The following FLVCR2 variants were observed in gnomAD, a reference collection of about 807,000 sequenced individuals.
FLVCR2 encodes choline/ethanolamine transporter FLVCR2.
A neutral mutation model predicts 48.9 loss-of-function variants in FLVCR2; 38 were observed. The observed-to-expected ratio is 0.78, with a 90% CI of 0.60 to 1.02. The LOEUF (loss-of-function observed/expected upper bound fraction) is 1.02, where lower values mean the gene tolerates loss of function less well. Ranked by LOEUF, FLVCR2 falls within the 50% of genes least tolerant of loss-of-function variation. The pLI is 0.00. For synonymous variants in FLVCR2, 255 were observed against 257.0 expected, an observed-to-expected ratio of 0.99 and a Z score of 0.07; for missense variants, 664 against 663.3, an observed-to-expected ratio of 1.00 and a Z score of -0.01.
intron 3 of FLVCR2, among the ~76,000 whole-genome samples, chr14:75,631,269 A>G (rs1363641234): frequency 6.6e-6 from 1 of 152,166 alleles, no homozygotes; most frequent in Non-Finnish European, 1.5e-5. Flanking sequence ...ACATTGCTCT[A>G]GGGAGCCAGT....
chr14:75,609,929 A>G (rs1409080539), intron 1 of FLVCR2, among the ~76,000 whole-genome samples: 1 of 152,166 alleles, frequency 6.6e-6, no homozygotes, highest in Non-Finnish European at 1.5e-5. Flanking sequence ...TGTTAAGGGA[A>G]TGCAGAAGAC....
At chr14:75,586,032 C>A (rs1053882904) in intron 1 of FLVCR2, among the ~76,000 whole-genome samples, 1 of 152,168 alleles carries the variant, frequency 6.6e-6, no homozygotes, top group Non-Finnish European at 1.5e-5. Context: ...GGACTGGTCT[C>A]CTAAAGAAGT....
At chr14:75,579,674 G>A in intron 1 of FLVCR2, 33 bp downstream of exon 1, 2 of 1,610,258 alleles carry the variant, frequency 1.2e-6, no homozygotes, top group Non-Finnish European at 1.7e-6. Context: ...GTTCCCAGGG[G>A]CGTGTGTTAG....
chr14:75,613,965 GAACTT>G (rs2140029799), intron 1 of FLVCR2, among the ~76,000 whole-genome samples: 1 of 152,336 alleles, frequency 6.6e-6, no homozygotes, highest in East Asian at 1.9e-4. Flanking sequence ...CCTACTCTGT[GAACTT>G]AACTTCAGAT....
chr14:75,579,510 A>C lies in FLVCR2; in HGVS notation c.538A>C (p.Thr180Pro). ...GSLKPHLFPV[T>P]VVGQLICSVA... is the part of the protein sequence containing the mutation. ...CCTGAAGCCGCATCTCTTTCCGGTCACCGTGGTGGGCCAGCTCATCTGCTC... is the reference window on the plus strand; with the variant it reads ...CCTGAAGCCGCATCTCTTTCCGGTCCCCGTGGTGGGCCAGCTCATCTGCTC... Residue 180 changes from threonine to proline, a missense_variant, in exon 1 of 10, where the codon ACC becomes CCC. Physicochemically the swap from Thr to Pro is conservative, Grantham distance 38. Coordinates refer to ENST00000238667, the MANE Select transcript of FLVCR2 (RefSeq NM_017791.3). The C allele has an allele frequency of 6.2e-7, 1 of 1,612,566 alleles. No individual in the cohort carries two copies. The highest frequency in any genetic ancestry group is 8.5e-7 in the Non-Finnish European group (1 of 1,178,980).
chr14:75,644,969 C>T (rs1390434160), intron 9 of FLVCR2, among the ~76,000 whole-genome samples: 1 of 151,982 alleles, frequency 6.6e-6, no homozygotes, highest in Non-Finnish European at 1.5e-5. Context: ...ACTTCTGTCT[C>T]CACTAACTTG....
chr14:75,615,279 A>G (rs1889579337), intron 1 of FLVCR2, among the ~76,000 whole-genome samples: 1 of 152,206 alleles, frequency 6.6e-6, no homozygotes, highest in Admixed American at 6.5e-5. Flanking sequence ...AGGATCTGAG[A>G]CGAAGTGCAT....
At chr14:75,630,636 G>A (rs1544630) in intron 3 of FLVCR2, among the ~76,000 whole-genome samples, 4 of 152,096 alleles carry the variant, frequency 2.6e-5, no homozygotes, top group East Asian at 1.9e-4. Context: ...TGGGAGGATC[G>A]TTTGAGGTCA....
intron 1 of FLVCR2, among the ~76,000 whole-genome samples, chr14:75,580,857 G>A (rs1222137736): frequency 1.3e-5 from 2 of 152,160 alleles, no homozygotes; most frequent in Non-Finnish European, 2.9e-5. Flanking sequence ...GTTGCTTCAG[G>A]CAATCTGGAT....
chr14:75,609,071 GT>G (rs112111169), intron 1 of FLVCR2, among the ~76,000 whole-genome samples: 16 of 148,122 alleles, frequency 1.1e-4, no homozygotes, highest in South Asian at 4.3e-4. Context: ...CCTGTCATGT[GT>G]TTTTTTTTTA....
intron 1 of FLVCR2, among the ~76,000 whole-genome samples, chr14:75,597,880 G>A (rs529240910): frequency 6.6e-6 from 1 of 152,166 alleles, no homozygotes. Flanking sequence ...AGCATTATAT[G>A]TTTTCAACTG....
Position 75,647,398 on chromosome 14 carries a change from TA to T in FLVCR2, c.*928del, listed in dbSNP as rs1401941585. Reference sequence around the variant, plus strand: ...CAGGGTAATCCCCGTCAACTTACTCTAACCTTTGCTGAAAACTAATCTTGAT... The same window carrying T: ...CAGGGTAATCCCCGTCAACTTACTCTACCTTTGCTGAAAACTAATCTTGAT... On this transcript the variant is annotated 3_prime_UTR_variant, in exon 10 of 10. Coordinates refer to ENST00000238667, the MANE Select transcript of FLVCR2 (RefSeq NM_017791.3). 1 of 152,268 alleles carries T rather than the reference TA, an allele frequency of 6.6e-6. No individual in the cohort carries two copies. The highest frequency in any genetic ancestry group is 1.5e-5 in the Non-Finnish European group (1 of 68,030). The allele number at this position is 152,268 out of a possible 1,614,324, so 9.4% of individuals were successfully genotyped here.
chr14:75,579,514 T>C lies in FLVCR2; in HGVS notation c.542T>C (p.Val181Ala), dbSNP rs754180215. Residue 181 changes from valine to alanine, a missense_variant, in exon 1 of 10, where the codon GTG (valine) becomes GCG (alanine). Val to Ala is a moderately conservative substitution (Grantham distance 64). Transcript: ENST00000238667. ...AAGCCGCATCTCTTTCCGGTCACCGTGGTGGGCCAGCTCATCTGCTCTGTG... is the reference window on the plus strand; with the variant it reads ...AAGCCGCATCTCTTTCCGGTCACCGCGGTGGGCCAGCTCATCTGCTCTGTG... ...SLKPHLFPVT[V>A]VGQLICSVAQ... The C allele has an allele frequency of 1.9e-6, 3 of 1,613,116 alleles. No homozygotes were observed. In the Admixed American group the frequency reaches 5.0e-5, roughly 27 times the overall value.
intron 1 of FLVCR2, among the ~76,000 whole-genome samples, chr14:75,601,588 T>G (rs1889167803): frequency 6.6e-6 from 1 of 152,100 alleles, no homozygotes; most frequent in African/African-American, 2.4e-5. Context: ...CTGGTGGGAA[T>G]GTAAAATGGT....
chr14:75,624,912 A>G (rs1889860448), intron 3 of FLVCR2, among the ~76,000 whole-genome samples, 160 bp downstream of exon 3: 1 of 152,216 alleles, frequency 6.6e-6, no homozygotes, highest in Admixed American at 6.5e-5. Flanking sequence ...GGGCCTTTGC[A>G]TGTGTTGTAA....
At chr14:75,633,011 G>A (rs775347165) in intron 3 of FLVCR2, 6 of 701,590 alleles carry the variant, frequency 8.6e-6, no homozygotes, top group Admixed American at 4.0e-5. Flanking sequence ...GACCTTATTC[G>A]CTAAAGATAC....
At chr14:75,627,554 C>A (rs4903338) in intron 3 of FLVCR2, among the ~76,000 whole-genome samples, 1 of 152,102 alleles carries the variant, frequency 6.6e-6, no homozygotes, top group Non-Finnish European at 1.5e-5. Flanking sequence ...TGTCTCATAG[C>A]CATTGGAGGG....
intron 1 of FLVCR2, chr14:75,596,095 T>C: frequency 9.5e-7 from 1 of 1,057,786 alleles, no homozygotes; most frequent in South Asian, 1.2e-5. Context: ...CAAATTTCTG[T>C]CTTAGGCACT....
At chr14:75,642,030 C>T (rs1890317248) in intron 9 of FLVCR2, 132 bp downstream of exon 9, 1 of 798,554 alleles carries the variant, frequency 1.3e-6, no homozygotes, top group Non-Finnish European at 2.2e-6. Flanking sequence ...CAGTTCATCC[C>T]TTACACATGG....
Sources: allele counts gnomAD v4.1 joint callset (sites outside exome capture counted in the v4.1 genomes callset), GRCh38; gene constraint gnomAD v4.1.1; transcripts MANE v1.5; gene names NCBI Gene and HGNC (gene_info 2026-07-23, HGNC 2026-07-21).